SLC24A3: variants seen among roughly 807,000 people sequenced by gnomAD.
SLC24A3 encodes solute carrier family 24 member 3, also known as sodium/potassium/calcium exchanger 3.
Under a neutral mutation model 75.8 loss-of-function variants are expected in SLC24A3, and 28 were observed. The observed-to-expected ratio is 0.37, with a 90% CI of 0.27 to 0.51. SLC24A3 has a LOEUF of 0.51. SLC24A3 is among the 20% of genes least tolerant of loss of function. The probability of loss-of-function intolerance (pLI) is 0.94; values close to 1 mark genes in which losing one functional copy is unlikely to be tolerated. For synonymous variants in SLC24A3, 372 were observed against 334.1 expected (o/e 1.11, Z -1.24); for missense variants, 663 against 847.8 (o/e 0.78, Z 2.71).
At chr20:19,231,949 C>T (rs1982033766) in intron 1 of SLC24A3, among the ~76,000 whole-genome samples, 1 of 152,200 alleles carries the variant, frequency 6.6e-6, no homozygotes, top group East Asian at 1.9e-4. Context: ...TGTCAGCTCC[C>T]TAAGAGCAGA....
chr20:19,701,358 A>T (rs988564093), intron 15 of SLC24A3, among the ~76,000 whole-genome samples: 7 of 14,216 alleles, frequency 4.9e-4, no homozygotes, highest in Non-Finnish European at 7.4e-4. Context: ...TATTTTTATT[A>T]AAAAAAAACA....
intron 6 of SLC24A3, among the ~76,000 whole-genome samples, chr20:19,593,483 G>A (rs1166845967): frequency 6.6e-6 from 1 of 152,174 alleles, no homozygotes; most frequent in Non-Finnish European, 1.5e-5. Flanking sequence ...TTACCTTGTG[G>A]CAGGCACTGT....
intron 2 of SLC24A3, among the ~76,000 whole-genome samples, chr20:19,403,343 A>G (rs1297666804): frequency 6.6e-6 from 1 of 152,142 alleles, no homozygotes; most frequent in Non-Finnish European, 1.5e-5. Context: ...TATTATAGAG[A>G]ATGAAGTTTT....
intron 10 of SLC24A3, among the ~76,000 whole-genome samples, chr20:19,683,830 C>A (rs1436122312): frequency 6.6e-6 from 1 of 152,196 alleles, no homozygotes; most frequent in African/African-American, 2.4e-5. Flanking sequence ...TTAACATGAA[C>A]ACCCATGGAA....
intron 2 of SLC24A3, among the ~76,000 whole-genome samples, chr20:19,438,874 A>G (rs2179603): frequency 0.55 from 83,634 of 152,120 alleles, 24,365 homozygotes; most frequent in East Asian, 0.91. Flanking sequence ...AGGGTAGGCA[A>G]TATAGACAGC....
intron 2 of SLC24A3, among the ~76,000 whole-genome samples, chr20:19,427,083 G>A (rs972746669): frequency 1.3e-5 from 2 of 151,998 alleles, no homozygotes; most frequent in African/African-American, 4.8e-5. Context: ...GTGTGTGTGC[G>A]TGTGTCTCTG....
At chr20:19,342,659 A>G (rs1313341648) in intron 2 of SLC24A3, among the ~76,000 whole-genome samples, 1 of 152,156 alleles carries the variant, frequency 6.6e-6, no homozygotes, top group African/African-American at 2.4e-5. Flanking sequence ...GTGTCTTTTT[A>G]TTTTCATCTT....
At chr20:19,226,144 T>C (rs762284008) in intron 1 of SLC24A3, among the ~76,000 whole-genome samples, 9 of 152,188 alleles carry the variant, frequency 5.9e-5, no homozygotes, top group Non-Finnish European at 1.0e-4. Context: ...TATTGGTTTA[T>C]CAGATGTTTT....
intron 2 of SLC24A3, among the ~76,000 whole-genome samples, chr20:19,430,494 A>T (rs1987082368): frequency 6.6e-6 from 1 of 152,154 alleles, no homozygotes; most frequent in Non-Finnish European, 1.5e-5. Context: ...GGGGAAGGAA[A>T]GGCCATTCTC....
At chr20:19,654,999 G>A (rs1236562928) in intron 7 of SLC24A3, among the ~76,000 whole-genome samples, 1 of 152,060 alleles carries the variant, frequency 6.6e-6, no homozygotes, top group Non-Finnish European at 1.5e-5. Context: ...ATATATTTCA[G>A]TCCTCGTTCC....
intron 2 of SLC24A3, among the ~76,000 whole-genome samples, chr20:19,287,621 T>C (rs1193508634): frequency 6.6e-6 from 1 of 152,244 alleles, no homozygotes; most frequent in East Asian, 1.9e-4. Context: ...TTAATCTTCA[T>C]AACAATTCCC....
At position 19,625,149 on chromosome 20, in the gene SLC24A3, A is replaced by C. The variant is rs543608303; in HGVS notation, c.613-28913A>C. Among the ~76,000 whole-genome samples the C allele has an allele frequency of 1.9e-4, 29 of 152,280 alleles. 1 individual carries two copies. The South Asian group carries it at 4.6e-3, about 24-fold the overall frequency. ...TTGGAACTGAAGCCCCATTACTTCT[A>C]TTGCATCCTATGAATTAAAGCAAGA... On this transcript the variant is annotated intron_variant, in intron 6 of 16. Coordinates refer to ENST00000328041, the MANE Select transcript of SLC24A3 (RefSeq NM_020689.4).
At chr20:19,458,215 G>A (rs1183623491) in intron 2 of SLC24A3, among the ~76,000 whole-genome samples, 1 of 152,108 alleles carries the variant, frequency 6.6e-6, no homozygotes, top group East Asian at 1.9e-4. Flanking sequence ...CTATGTTCAT[G>A]TGTGTGTTTC....
At chr20:19,513,736 TAG>T (rs1359455568) in intron 2 of SLC24A3, among the ~76,000 whole-genome samples, 1 of 123,252 alleles carries the variant, frequency 8.1e-6, no homozygotes, top group Non-Finnish European at 1.8e-5. Context: ...GCTTTTTTTT[TAG>T]AAAAAAAAAA....
At chr20:19,605,651 T>C (rs75295424) in intron 6 of SLC24A3, among the ~76,000 whole-genome samples, 11,761 of 152,238 alleles carry the variant, frequency 0.077, 618 homozygotes, top group Non-Finnish European at 0.1. Flanking sequence ...CATCTACCCA[T>C]TGAGTCTCTG....
chr20:19,219,257 C>T (rs1460986758), intron 1 of SLC24A3, among the ~76,000 whole-genome samples: 1 of 152,120 alleles, frequency 6.6e-6, no homozygotes. Context: ...CACACTATCC[C>T]TTATTGGTTT....
At chr20:19,447,563 C>T (rs1467892550) in intron 2 of SLC24A3, among the ~76,000 whole-genome samples, 2 of 152,022 alleles carry the variant, frequency 1.3e-5, no homozygotes, top group South Asian at 4.2e-4. Context: ...TATACACACA[C>T]ACAAAATAAA....
At chr20:19,401,560 T>G (rs1448763663) in intron 2 of SLC24A3, among the ~76,000 whole-genome samples, 1 of 152,224 alleles carries the variant, frequency 6.6e-6, no homozygotes, top group African/African-American at 2.4e-5. Flanking sequence ...TTAATTGACT[T>G]GTTCCAAAGG....
chr20:19,441,903 AT>A (rs1222720954), intron 2 of SLC24A3, among the ~76,000 whole-genome samples: 3 of 151,890 alleles, frequency 2.0e-5, no homozygotes, highest in East Asian at 1.9e-4. Context: ...AAAACCACTG[AT>A]TTTTTTTATG....
Sources: gnomAD v4.1 joint callset for allele counts (sites outside exome capture counted in the v4.1 genomes callset) on GRCh38, gnomAD v4.1.1 for gene constraint, MANE v1.5 for transcripts, NCBI Gene and HGNC (gene_info 2026-07-23, HGNC 2026-07-21) for gene names.